The following LAMA2 variants were observed in gnomAD, a reference collection of about 807,000 sequenced individuals.
LAMA2 encodes laminin subunit alpha 2, also known as laminin subunit alpha-2.
LAMA2 carries 269 observed loss-of-function variants against 364.8 expected under a neutral mutation model. The ratio of observed to expected loss-of-function variants is 0.74; its 90% CI spans 0.67 to 0.82. The LOEUF (loss-of-function observed/expected upper bound fraction) is 0.82. Among genes scored for constraint, LAMA2 ranks in the 40% least tolerant of loss-of-function variants. The probability of loss-of-function intolerance (pLI) is 0.00; values close to 1 mark genes in which losing one functional copy is unlikely to be tolerated. For missense variants in LAMA2, 3,807 were observed against 3,873.2 expected, an observed-to-expected ratio of 0.98 and a Z score of 0.45; for synonymous variants, 1,379 against 1,370.6, an observed-to-expected ratio of 1.01 and a Z score of -0.14.
rs1004814454 is a variant in LAMA2 at position 129,190,079 on chromosome 6, A to G, written c.1468-126A>G. On this transcript the variant is annotated intron_variant, in intron 10 of 64. Coordinates refer to ENST00000421865, the MANE Select transcript of LAMA2 (RefSeq NM_000426.4). ...TGAGCAGATTTTTAAAAATATCATT[A>G]TACGTTAAATATAGTTGAGAGGGTA... is the stretch of plus-strand genomic sequence containing the variant. 16 of 926,974 alleles carry G rather than the reference A, an allele frequency of 1.7e-5. No individual in the cohort carries two copies. In the East Asian group the frequency reaches 3.7e-4, roughly 21 times the overall value. The allele number at this position is 926,974 out of a possible 1,614,324, so 57.4% of individuals were successfully genotyped here.
intron 43 of LAMA2, among the ~76,000 whole-genome samples, chr6:129,441,362 A>T (rs1385098043): frequency 3.9e-5 from 6 of 152,194 alleles, no homozygotes; most frequent in African/African-American, 1.4e-4. Context: ...GTCATGGAAC[A>T]TAGAGGTTAA....
In LAMA2 at chr6:129,130,647, T is replaced by C. The variant is rs550212000; in HGVS notation, c.640-13254T>C. ...TTAGAAGTAGATTGGGAGAACTGCATTCTGGGCAATAAATATTCACTGGAC... is the reference window on the plus strand; with the variant it reads ...TTAGAAGTAGATTGGGAGAACTGCACTCTGGGCAATAAATATTCACTGGAC... On this transcript the variant is annotated intron_variant, in intron 4 of 64. Coordinates refer to ENST00000421865, the MANE Select transcript of LAMA2 (RefSeq NM_000426.4). Among the ~76,000 whole-genome samples the C allele has an allele frequency of 1.3e-3, 203 of 152,296 alleles. 1 individual carries two copies. The highest frequency in any genetic ancestry group is 4.8e-3 in the African/African-American group (200 of 41,552).
At chr6:129,354,213 AT>A (rs1283651684) in intron 32 of LAMA2, among the ~76,000 whole-genome samples, 1 of 152,158 alleles carries the variant, frequency 6.6e-6, no homozygotes, top group Non-Finnish European at 1.5e-5. Flanking sequence ...AAATAGAAGA[AT>A]TTTTGTTTAT....
intron 54 of LAMA2, among the ~76,000 whole-genome samples, chr6:129,480,946 T>C (rs1784314224): frequency 7.0e-6 from 1 of 143,606 alleles, no homozygotes; most frequent in South Asian, 2.2e-4. Context: ...TTGACTTAAA[T>C]CTTTGGTTTA....
At chr6:129,479,351 G>A (rs150522373) in intron 54 of LAMA2, among the ~76,000 whole-genome samples, 2 of 152,278 alleles carry the variant, frequency 1.3e-5, no homozygotes, top group East Asian at 3.9e-4. Context: ...TGTTTGACAT[G>A]CCTGCAAAGT....
intron 1 of LAMA2, among the ~76,000 whole-genome samples, chr6:129,039,209 T>A (rs1045493869): frequency 2.0e-5 from 3 of 152,074 alleles, no homozygotes; most frequent in Admixed American, 6.6e-5. Context: ...CAGAAAATTC[T>A]GTGTGGCAAA....
At chr6:129,220,264 A>G (rs1157402424) in intron 12 of LAMA2, among the ~76,000 whole-genome samples, 1 of 152,250 alleles carries the variant, frequency 6.6e-6, no homozygotes, top group East Asian at 1.9e-4. Flanking sequence ...CAAAAAACAT[A>G]TAGTGAAATA....
intron 1 of LAMA2, among the ~76,000 whole-genome samples, chr6:129,006,766 T>A (rs1283077183): frequency 6.6e-6 from 1 of 152,084 alleles, no homozygotes; most frequent in Non-Finnish European, 1.5e-5. Flanking sequence ...CAGGAAGACA[T>A]CCCCTTTGTA....
chr6:129,466,966 T>A (rs1562590907), intron 51 of LAMA2, among the ~76,000 whole-genome samples: 1 of 151,840 alleles, frequency 6.6e-6, no homozygotes, highest in African/African-American at 2.4e-5. Context: ...TTTGGAGATA[T>A]GTAACAATTT....
chr6:128,887,079 G>T (rs1158276626), intron 1 of LAMA2, among the ~76,000 whole-genome samples: 1 of 151,890 alleles, frequency 6.6e-6, no homozygotes, highest in Non-Finnish European at 1.5e-5. Context: ...ATCCCTTCTG[G>T]GATTTAAAAT....
chr6:129,182,620 T>A (rs1369518612), intron 10 of LAMA2, among the ~76,000 whole-genome samples: 1 of 151,800 alleles, frequency 6.6e-6, no homozygotes, highest in Non-Finnish European at 1.5e-5. Context: ...TATGGTATTA[T>A]TTATATCAAG....
In LAMA2 at chr6:129,045,665, CTCTT is replaced by C. The variant is rs527613839; in HGVS notation, c.113-4251_113-4248del. Among the ~76,000 whole-genome samples the C allele has an allele frequency of 3.5e-3, 527 of 152,314 alleles. 2 individuals are homozygous for C. Among genetic ancestry groups the C allele is most frequent in the African/African-American group, 0.012 (505 of 41,564 alleles). On this transcript the variant is annotated intron_variant, in intron 1 of 64. Coordinates refer to ENST00000421865, the MANE Select transcript of LAMA2 (RefSeq NM_000426.4). ...CCCTTTGTAGCTGTATGCTTTTGCT[CTCTT>C]TATTTATTTAATTATGTGGGATAAT...
At chr6:129,125,899 C>T (rs1777088469) in intron 4 of LAMA2, among the ~76,000 whole-genome samples, 1 of 151,694 alleles carries the variant, frequency 6.6e-6, no homozygotes, top group South Asian at 2.1e-4. Flanking sequence ...ACTTTGTACC[C>T]CATAAATTTA....
rs776548207 is a variant in LAMA2 at position 129,453,077 on chromosome 6, CG to C, written c.6520del (p.Val2174Ter). On this transcript the variant is annotated frameshift_variant, in exon 46 of 65. Transcript: ENST00000421865. LOFTEE classifies it high-confidence loss of function. ...KGSYNNIVVN[V>X]KTAVADNLLF... The stretch of plus-strand genomic sequence containing the variant: ...GAAGTTACAATAATATTGTTGTCAA[CG>C]TAAAGACAGCTGTTGCTGATAACCT... 3 of 1,612,870 alleles carry C rather than the reference CG, an allele frequency of 1.9e-6. No individual in the cohort carries two copies. Among genetic ancestry groups the C allele is most frequent in the Non-Finnish European group, 8.5e-7 (1 of 1,179,298 alleles).
At chr6:129,187,011 C>A (rs1404550552) in intron 10 of LAMA2, among the ~76,000 whole-genome samples, 1 of 151,720 alleles carries the variant, frequency 6.6e-6, no homozygotes, top group Non-Finnish European at 1.5e-5. Context: ...ATGAGCAGAG[C>A]ATTTATTAAT....
At chr6:129,260,228 A>G (rs1489136189) in intron 14 of LAMA2, among the ~76,000 whole-genome samples, 1 of 152,140 alleles carries the variant, frequency 6.6e-6, no homozygotes, top group Non-Finnish European at 1.5e-5. Flanking sequence ...TACCAACTAC[A>G]AACAAGCAGA....
chr6:129,195,254 A>G (rs1001973747), intron 12 of LAMA2, among the ~76,000 whole-genome samples: 4 of 152,172 alleles, frequency 2.6e-5, no homozygotes, highest in African/African-American at 4.8e-5. Flanking sequence ...TATAATGGAG[A>G]TGCCACATGC....
intron 3 of LAMA2, among the ~76,000 whole-genome samples, chr6:129,091,534 T>G (rs145224647): frequency 1.1e-3 from 169 of 152,322 alleles, no homozygotes; most frequent in African/African-American, 3.9e-3. Flanking sequence ...AGGAATTTCA[T>G]GCTTAGCAAT....
intron 15 of LAMA2, among the ~76,000 whole-genome samples, chr6:129,266,614 T>G (rs556081322): frequency 1.3e-5 from 2 of 152,148 alleles, no homozygotes; most frequent in Admixed American, 1.3e-4. Flanking sequence ...TTCCAAATCA[T>G]GTCAAAGATT....
Sources: gnomAD v4.1 joint callset for allele counts (sites outside exome capture counted in the v4.1 genomes callset) on GRCh38, gnomAD v4.1.1 for gene constraint, MANE v1.5 for transcripts, NCBI Gene and HGNC (gene_info 2026-07-23, HGNC 2026-07-21) for gene names.